The following KIFAP3 variants were observed in gnomAD, a reference collection of about 807,000 sequenced individuals.
KIFAP3 encodes kinesin associated protein 3.
A neutral mutation model predicts 106.5 loss-of-function variants in KIFAP3; 68 were observed. The ratio of observed to expected loss-of-function variants is 0.64; its 90% confidence interval spans 0.53 to 0.78. KIFAP3 has a LOEUF of 0.78. Among genes scored for constraint, KIFAP3 ranks in the 30% least tolerant of loss-of-function variants. The pLI is 0.00. For missense variants in KIFAP3, 780 were observed against 941.8 expected (o/e 0.83, Z 2.25); for synonymous variants, 320 against 311.5 (o/e 1.03, Z -0.29).
intron 15 of KIFAP3, among the ~76,000 whole-genome samples, chr1:169,981,193 TA>T (rs1209781399): frequency 5.3e-5 from 8 of 152,330 alleles, no homozygotes; most frequent in Admixed American, 1.3e-4. Flanking sequence ...TCCATGGTTT[TA>T]GTTAACTGCA....
intron 1 of KIFAP3, among the ~76,000 whole-genome samples, chr1:170,060,747 C>T (rs1179443499): frequency 3.9e-5 from 6 of 152,174 alleles, no homozygotes; most frequent in Admixed American, 3.9e-4. Flanking sequence ...ATCACACTAC[C>T]TGATTTTAAA....
intron 2 of KIFAP3, among the ~76,000 whole-genome samples, chr1:170,054,904 C>A (rs903100018): frequency 6.6e-6 from 1 of 152,128 alleles, no homozygotes; most frequent in African/African-American, 2.4e-5. Context: ...TGCAGCAAAC[C>A]ACCATGGCAC....
intron 8 of KIFAP3, among the ~76,000 whole-genome samples, chr1:170,025,337 T>G (rs1057343512): frequency 6.6e-6 from 1 of 152,104 alleles, no homozygotes; most frequent in Non-Finnish European, 1.5e-5. Context: ...AGCTTCAGAG[T>G]TCAATTTCTG....
chr1:170,013,490 T>C (rs1439916952), intron 10 of KIFAP3, among the ~76,000 whole-genome samples: 1 of 148,986 alleles, frequency 6.7e-6, no homozygotes, highest in East Asian at 1.9e-4. Flanking sequence ...TATATATATA[T>C]ATATATAAAA....
chr1:169,925,307 A>G (rs994446264), intron 19 of KIFAP3, among the ~76,000 whole-genome samples: 1 of 152,128 alleles, frequency 6.6e-6, no homozygotes, highest in Non-Finnish European at 1.5e-5. Flanking sequence ...TGGTCCAAAG[A>G]AAATGGTTAT....
At chr1:170,061,975 G>A (rs1159553656) in intron 1 of KIFAP3, among the ~76,000 whole-genome samples, 2 of 151,988 alleles carry the variant, frequency 1.3e-5, no homozygotes, top group African/African-American at 4.8e-5. Context: ...AGAACACTTG[G>A]ACACAGAATG....
At chr1:169,934,764 A>G (rs1012740593) in intron 19 of KIFAP3, among the ~76,000 whole-genome samples, 1 of 152,116 alleles carries the variant, frequency 6.6e-6, no homozygotes, top group African/African-American at 2.4e-5. Context: ...TTCTGAATGA[A>G]CATATAGGTA....
At chr1:169,946,707 T>C (rs145333015) in intron 19 of KIFAP3, among the ~76,000 whole-genome samples, 1 of 152,036 alleles carries the variant, frequency 6.6e-6, no homozygotes, top group Non-Finnish European at 1.5e-5. Context: ...AAGATTTAAA[T>C]GCAAGATAAA....
intron 3 of KIFAP3, among the ~76,000 whole-genome samples, chr1:170,039,725 T>A (rs927568857): frequency 6.6e-6 from 1 of 151,880 alleles, no homozygotes; most frequent in African/African-American, 2.4e-5. Flanking sequence ...GAAAAAAAAA[T>A]TGGTAAATTT....
At chr1:170,022,087 T>C (rs1330406466) in intron 9 of KIFAP3, among the ~76,000 whole-genome samples, 1 of 151,488 alleles carries the variant, frequency 6.6e-6, no homozygotes, top group Non-Finnish European at 1.5e-5. Flanking sequence ...AAAGCTGGGA[T>C]AGCCAGCATG....
chr1:170,040,021 G>GTTATCAAAATTTTTGATTCCACAA (rs1669892080), intron 3 of KIFAP3, among the ~76,000 whole-genome samples: 1 of 152,024 alleles, frequency 6.6e-6, no homozygotes, highest in Non-Finnish European at 1.5e-5. Context: ...AAGTTAGAAT[G>GTTATCAAAATTTTTGATTCCACAA]TTATCAAAAT....
intron 2 of KIFAP3, among the ~76,000 whole-genome samples, chr1:170,048,238 C>T (rs1571729583): frequency 6.6e-6 from 1 of 151,068 alleles, no homozygotes; most frequent in East Asian, 1.9e-4. Context: ...GCTAGAGTGC[C>T]TTCTAATGTT....
At chr1:169,991,973 G>A (rs1198907986) in intron 11 of KIFAP3, among the ~76,000 whole-genome samples, 182 bp downstream of exon 11, 1 of 151,606 alleles carries the variant, frequency 6.6e-6, no homozygotes, top group Non-Finnish European at 1.5e-5. Flanking sequence ...TCTAAGTTTG[G>A]GATAATGGAA....
At chr1:170,031,662 TAAA>T (rs1669418584) in intron 8 of KIFAP3, among the ~76,000 whole-genome samples, 1 of 151,770 alleles carries the variant, frequency 6.6e-6, no homozygotes, top group South Asian at 2.1e-4. Context: ...TCTTAGGAAA[TAAA>T]TAATAAGTAT....
At position 170,039,297 on chromosome 1, in the gene KIFAP3, A is replaced by C; in HGVS notation, c.320-9T>G. The C allele has an allele frequency of 6.4e-7, 1 of 1,561,858 alleles. No individual in the cohort carries two copies. The highest frequency in any genetic ancestry group is 8.8e-7 in the Non-Finnish European group (1 of 1,141,658). On this transcript the variant is annotated splice_polypyrimidine_tract_variant and intron_variant, in intron 3 of 19. Transcript: ENST00000361580. Reference sequence around the variant, plus strand: ...TGATTTTTCTTTTTTCTCTGTAAAAAGATTTTTTTTTAATAAGGAGACTTA... The same window carrying C: ...TGATTTTTCTTTTTTCTCTGTAAAACGATTTTTTTTTAATAAGGAGACTTA...
chr1:170,036,796 A>G (rs1361136019), intron 5 of KIFAP3, among the ~76,000 whole-genome samples: 1 of 152,208 alleles, frequency 6.6e-6, no homozygotes, highest in Non-Finnish European at 1.5e-5. Context: ...AAAACAGAAT[A>G]GAGAAACATC....
At chr1:170,021,438 T>G (rs935273933) in intron 9 of KIFAP3, among the ~76,000 whole-genome samples, 1 of 137,828 alleles carries the variant, frequency 7.3e-6, no homozygotes, top group Non-Finnish European at 1.6e-5. Flanking sequence ...TATTAAGTTT[T>G]TTTTTTTTTT....
At chr1:170,026,474 T>C (rs1669108209) in intron 8 of KIFAP3, among the ~76,000 whole-genome samples, 1 of 152,192 alleles carries the variant, frequency 6.6e-6, no homozygotes, top group Non-Finnish European at 1.5e-5. Context: ...CCTAGAATAT[T>C]GCCTTGAGAG....
At chr1:170,056,590 A>T (rs1033931072) in intron 1 of KIFAP3, among the ~76,000 whole-genome samples, 2 of 152,226 alleles carry the variant, frequency 1.3e-5, no homozygotes, top group African/African-American at 2.4e-5. Flanking sequence ...CAAAAATATG[A>T]CAACACCTTA....
Sources: gnomAD v4.1 joint callset for allele counts (sites outside exome capture counted in the v4.1 genomes callset) on GRCh38, gnomAD v4.1.1 for gene constraint, MANE v1.5 for transcripts, NCBI Gene and HGNC (gene_info 2026-07-23, HGNC 2026-07-21) for gene names.